The following GIPC3 variants were observed in gnomAD, a reference collection of about 807,000 sequenced individuals.
GIPC3 encodes GIPC PDZ domain containing family member 3.
A neutral mutation model predicts 27.3 loss-of-function variants in GIPC3; 16 were observed. That is an observed-to-expected ratio of 0.59 (90% CI 0.40 to 0.89). The LOEUF (loss-of-function observed/expected upper bound fraction) is 0.89, where lower values mean the gene tolerates loss of function less well. GIPC3 is among the 40% of genes least tolerant of loss of function. GIPC3 has a pLI of 0.00. For synonymous variants in GIPC3, 194 were observed against 184.6 expected (o/e 1.05, Z -0.41); for missense variants, 440 against 442.1 (o/e 1.00, Z 0.04).
At position 3,592,414 on chromosome 19, in the gene GIPC3, C is replaced by A; in HGVS notation, c.*2224C>A. The A allele has an allele frequency of 1.6e-6, 2 of 1,231,988 alleles. No individual in the cohort carries two copies. The highest frequency in any genetic ancestry group is 8.2e-5 in the South Asian group (2 of 24,286). 76.3% of individuals were successfully genotyped at this position (1,231,988 alleles called of 1,614,324 possible). On this transcript the variant is annotated 3_prime_UTR_variant, in exon 6 of 6. Transcript: ENST00000644452. The stretch of plus-strand genomic sequence containing the variant: ...GCCAGCTCTGGAAGTCAGCTTAGTT[C>A]GGGAACCCAGCTGATTTCCGGAGCC...
chr19:3,588,071 C>A (rs2032409970), intron 3 of GIPC3, among the ~76,000 whole-genome samples: 1 of 150,178 alleles, frequency 6.7e-6, no homozygotes, highest in South Asian at 2.1e-4. Context: ...ATGGTGTGAT[C>A]TCGGCTCACC....
intron 4 of GIPC3, 110 bp downstream of exon 4, chr19:3,589,665 G>A (rs2032443385): frequency 6.1e-6 from 7 of 1,140,390 alleles, no homozygotes; most frequent in Non-Finnish European, 9.1e-6. Flanking sequence ...TTCTCTGCCT[G>A]CAAAATGGGT....
rs772581175 is a variant in GIPC3, at chr19:3,590,094, C to T, written c.843C>T (p.Arg281=). 1.5e-5 allele frequency: 24 copies of T among 1,611,390 alleles called. No homozygotes were observed. The highest frequency in any genetic ancestry group is 2.2e-5 in the East Asian group (1 of 44,806). Residue 281 remains arginine (R), a synonymous_variant, in exon 6 of 6, where the codon CGC becomes CGT. Transcript: ENST00000644452. ...CAGCGAGCGCCCAGGAGTTTGCACG[C>T]TGTTTAGACTCCGTCTTGGGCGAGT... is the stretch of plus-strand genomic sequence containing the variant. The part of the protein sequence containing the change: ...KKTASAQEFA[R]CLDSVLGEFA...
Position 3,592,903 on chromosome 19 carries a change from C to T in GIPC3, c.*2713C>T. 2.4e-6 allele frequency: 3 copies of T among 1,232,048 alleles called. No individual in the cohort carries two copies. Among genetic ancestry groups the T allele is most frequent in the Non-Finnish European group, 3.0e-6 (3 of 988,064 alleles). 76.3% of individuals were successfully genotyped at this position (1,232,048 alleles called of 1,614,324 possible). ...CTTGACCCTAGAATCCAGCTTGAGG[C>T]CCCTGCCCCAGCCCAACCTCAGCCC... On this transcript the variant is annotated 3_prime_UTR_variant, in exon 6 of 6. Coordinates refer to ENST00000644452, the MANE Select transcript of GIPC3 (RefSeq NM_133261.3).
rs145081186 is a variant in GIPC3, at chr19:3,586,880, A to C, written c.478A>C (p.Ile160Leu). 13 of 1,613,378 alleles carry C rather than the reference A, an allele frequency of 8.1e-6. No individual in the cohort carries two copies. Among genetic ancestry groups the C allele is most frequent in the Non-Finnish European group, 1.0e-5 (12 of 1,180,012 alleles). Residue 160 changes from isoleucine (I) to leucine (L), a missense_variant, in exon 3 of 6, where the codon ATC becomes CTC. Ile to Leu is a conservative substitution (Grantham distance 5). Coordinates refer to ENST00000644452, the MANE Select transcript of GIPC3 (RefSeq NM_133261.3). ...GTGCGTGGGTGACAGCATCGAAGCCATCAACGACCACTCCATTGTGGGCTG... is the reference window on the plus strand; with the variant it reads ...GTGCGTGGGTGACAGCATCGAAGCCCTCAACGACCACTCCATTGTGGGCTG... The part of the protein sequence containing the change: ...AVCVGDSIEA[I>L]NDHSIVGCRH...
chr19:3,591,387 T>C lies in GIPC3; in HGVS notation c.*1197T>C, dbSNP rs2032486200. 8.1e-7 allele frequency: 1 copy of C among 1,232,174 alleles called. No individual in the cohort carries two copies. The highest frequency in any genetic ancestry group is 1.0e-6 in the Non-Finnish European group (1 of 988,202). 76.3% of individuals were successfully genotyped at this position (1,232,174 alleles called of 1,614,324 possible). A position where few individuals can be genotyped will look rare whatever the true frequency, so the allele number is the denominator to read the frequency against. ...GACCAGCTTGGAGACCAATCCCAGT[T>C]CCAGAATCCAGGCTAGCTCGGAGAC... On this transcript the variant is annotated 3_prime_UTR_variant, in exon 6 of 6. Transcript: ENST00000644452.
intron 3 of GIPC3, 117 bp downstream of exon 3, chr19:3,587,111 A>G (rs1035459446): frequency 2.3e-6 from 2 of 884,970 alleles, no homozygotes; most frequent in Non-Finnish European, 3.5e-6. Context: ...GCTGCGTGCC[A>G]AGGAGCTCCT....
chr19:3,587,187 G>T (rs2032386061), intron 3 of GIPC3, among the ~76,000 whole-genome samples, 193 bp downstream of exon 3: 1 of 152,214 alleles, frequency 6.6e-6, no homozygotes, highest in South Asian at 2.1e-4. Flanking sequence ...GCCTGTGGGG[G>T]AGGGGTGGGG....
chr19:3,593,420 C>A lies in GIPC3; in HGVS notation c.*3230C>A. ...GGTAGGGAGTGTGCGGTGGTGAAAA[C>A]AGGGGCTTCACCGGTCCTGGCTCAG... On this transcript the variant is annotated 3_prime_UTR_variant, in exon 6 of 6. Coordinates refer to ENST00000644452, the MANE Select transcript of GIPC3 (RefSeq NM_133261.3). 1 of 803,042 alleles carries A rather than the reference C, an allele frequency of 1.2e-6. No individual in the cohort carries two copies. The highest frequency in any genetic ancestry group is 1.7e-6 in the Non-Finnish European group (1 of 596,662). The allele number at this position is 803,042 out of a possible 1,614,324, so 49.7% of individuals were successfully genotyped here. A position where few individuals can be genotyped will look rare whatever the true frequency, so the allele number is the denominator to read the frequency against.
Position 3,592,341 on chromosome 19 carries a change from T to C in GIPC3, c.*2151T>C. 1 of 1,232,022 alleles carries C rather than the reference T, an allele frequency of 8.1e-7. No individual in the cohort carries two copies. Among genetic ancestry groups the C allele is most frequent in the Non-Finnish European group, 1.0e-6 (1 of 987,966 alleles). The allele number at this position is 1,232,022 out of a possible 1,614,324, so 76.3% of individuals were successfully genotyped here. On this transcript the variant is annotated 3_prime_UTR_variant, in exon 6 of 6. Coordinates refer to ENST00000644452, the MANE Select transcript of GIPC3 (RefSeq NM_133261.3). ...GAGCAGTTCTGAAAGTCAGCTTAGC[T>C]TTGGAACTCAGCCCAGCTCTGGGAC... is the stretch of plus-strand genomic sequence containing the variant.
In GIPC3 at chr19:3,585,561, G is replaced by A. The variant is rs1054665900; in HGVS notation, c.-37G>A. The A allele has an allele frequency of 4.6e-4, 527 of 1,142,892 alleles. 2 individuals carry two copies. Among genetic ancestry groups the A allele is most frequent in the Non-Finnish European group, 5.2e-4 (485 of 931,268 alleles). 70.8% of individuals were successfully genotyped at this position (1,142,892 alleles called of 1,614,324 possible). On this transcript the variant is annotated 5_prime_UTR_variant, in exon 1 of 6. Coordinates refer to ENST00000644452, the MANE Select transcript of GIPC3 (RefSeq NM_133261.3). Reference sequence around the variant, plus strand: ...AGGAAGCGGCGGATCCGGCGGCGGCGGCGAGGGCCCGGGTGGGTGGCCGAA... The same window carrying A: ...AGGAAGCGGCGGATCCGGCGGCGGCAGCGAGGGCCCGGGTGGGTGGCCGAA...
chr19:3,586,484 C>T lies in GIPC3; in HGVS notation c.226-11C>T, dbSNP rs992581869. 1.9e-6 allele frequency: 3 copies of T among 1,612,628 alleles called. No individual in the cohort carries two copies. The highest frequency in any genetic ancestry group is 2.5e-6 in the Non-Finnish European group (3 of 1,179,668). ...CCCTGGCTAACTCTAGGCTCCTTCTCCCCCGGGAAGATTTTATTCTGCACC... is the reference window on the plus strand; with the variant it reads ...CCCTGGCTAACTCTAGGCTCCTTCTTCCCCGGGAAGATTTTATTCTGCACC... On this transcript the variant is annotated splice_polypyrimidine_tract_variant and intron_variant, in intron 1 of 5. Transcript: ENST00000644452.
chr19:3,588,866 C>G (rs1472516380), intron 3 of GIPC3, among the ~76,000 whole-genome samples: 1 of 151,728 alleles, frequency 6.6e-6, no homozygotes, highest in African/African-American at 2.4e-5. Context: ...ATCGCTTGAA[C>G]CTGGGAGGTG....
At position 3,590,539 on chromosome 19, in the gene GIPC3, G is replaced by T; in HGVS notation, c.*349G>T. The T allele has an allele frequency of 1.5e-6, 2 of 1,360,694 alleles. No individual in the cohort carries two copies. Among genetic ancestry groups the T allele is most frequent in the Non-Finnish European group, 1.9e-6 (2 of 1,061,890 alleles). The allele number at this position is 1,360,694 out of a possible 1,614,324, so 84.3% of individuals were successfully genotyped here. A position where few individuals can be genotyped will look rare whatever the true frequency, so the allele number is the denominator to read the frequency against. ...AAGCCCTGTTCTAGAACTCAGGCCT[G>T]CTCTGAGGCCAAGCCCAGCTCTAGA... On this transcript the variant is annotated 3_prime_UTR_variant, in exon 6 of 6. Coordinates refer to ENST00000644452, the MANE Select transcript of GIPC3 (RefSeq NM_133261.3).
rs10426399 is a variant in GIPC3 at position 3,589,437 on chromosome 19, C to T, written c.593-6C>T. On this transcript the variant is annotated splice_region_variant and splice_polypyrimidine_tract_variant and intron_variant, in intron 3 of 5. Coordinates refer to ENST00000644452, the MANE Select transcript of GIPC3 (RefSeq NM_133261.3). Reference sequence around the variant, plus strand: ...CCATGGCCATCCCTCACTCTGTTCCCTCCAGATATGATTGGCCAGAGAAGT... The same window carrying T: ...CCATGGCCATCCCTCACTCTGTTCCTTCCAGATATGATTGGCCAGAGAAGT... 0.13 allele frequency: 208,505 copies of T among 1,608,168 alleles called. 18,883 individuals are homozygous for T. Among genetic ancestry groups the T allele is most frequent in the African/African-American group, 0.47 (35,438 of 74,712 alleles).
At position 3,590,997 on chromosome 19, in the gene GIPC3, A is replaced by C. The variant is rs1246460937; in HGVS notation, c.*807A>C. ...TTCTAGAGTCCAGGCCAGCTCCGAG[A>C]CCAAGCCCAGCTCTAGAACCCAGAT... On this transcript the variant is annotated 3_prime_UTR_variant, in exon 6 of 6. Transcript: ENST00000644452. 6 of 1,232,948 alleles carry C rather than the reference A, an allele frequency of 4.9e-6. No homozygotes were observed. Among genetic ancestry groups the C allele is most frequent in the Middle Eastern group, 3.1e-4 (1 of 3,244 alleles). 76.4% of individuals were successfully genotyped at this position (1,232,948 alleles called of 1,614,324 possible). A position where few individuals can be genotyped will look rare whatever the true frequency, so the allele number is the denominator to read the frequency against.
In GIPC3 at chr19:3,593,481, C is replaced by T. The variant is rs1355070099; in HGVS notation, c.*3291C>T. On this transcript the variant is annotated 3_prime_UTR_variant, in exon 6 of 6. Transcript: ENST00000644452. ...TTGGAGGGAAAAGGAGGGCAGGAGA[C>T]GGGTTGCACCGCATGTACCCTGAGG... is the stretch of plus-strand genomic sequence containing the variant. 6 of 430,314 alleles carry T rather than the reference C, an allele frequency of 1.4e-5. No individual in the cohort carries two copies. Among genetic ancestry groups the T allele is most frequent in the East Asian group, 3.6e-5 (1 of 28,154 alleles). The allele number at this position is 430,314 out of a possible 1,614,324, so 26.7% of individuals were successfully genotyped here. A position where few individuals can be genotyped will look rare whatever the true frequency, so the allele number is the denominator to read the frequency against.
At chr19:3,589,077 T>C (rs1355466775) in intron 3 of GIPC3, among the ~76,000 whole-genome samples, 2 of 152,128 alleles carry the variant, frequency 1.3e-5, no homozygotes, top group Admixed American at 1.3e-4. Flanking sequence ...ACCTCAGTCC[T>C]GACACTAAGC....
At chr19:3,585,855 C>T in intron 1 of GIPC3, 33 bp downstream of exon 1, 1 of 1,533,304 alleles carries the variant, frequency 6.5e-7, no homozygotes. Context: ...CCCAAGACCA[C>T]CCGCCTGATG....
Sources: gnomAD v4.1 joint callset for allele counts (sites outside exome capture counted in the v4.1 genomes callset) on GRCh38, gnomAD v4.1.1 for gene constraint, MANE v1.5 for transcripts, NCBI Gene and HGNC (gene_info 2026-07-23, HGNC 2026-07-21) for gene names.